Variants in CDH11 observed in about 807,000 individuals in gnomAD.
CDH11 encodes the protein cadherin 11, also known as cadherin-11.
Under a neutral mutation model 67.8 loss-of-function variants are expected in CDH11, and 11 were observed. The observed-to-expected ratio is 0.16, with a 90% CI of 0.10 to 0.27. The LOEUF is 0.27. Ranked by LOEUF, CDH11 falls within the 10% of genes least tolerant of loss-of-function variation. The probability of loss-of-function intolerance (pLI) is 1.00; values close to 1 mark genes in which losing one functional copy is unlikely to be tolerated. For missense variants in CDH11, 847 were observed against 1,031.2 expected (o/e 0.82, Z 2.45); for synonymous variants, 419 against 400.0 (o/e 1.05, Z -0.57).
intron 1 of CDH11, among the ~76,000 whole-genome samples, chr16:65,081,428 G>T (rs2074607803): frequency 6.6e-6 from 1 of 152,146 alleles, no homozygotes; most frequent in Non-Finnish European, 1.5e-5. Context: ...AATTAGCCGG[G>T]CATGGTGGCG....
At position 65,053,801 on chromosome 16, in the gene CDH11, T is replaced by A. The variant is rs1262397725; in HGVS notation, c.-173+3A>T. 2.2e-6 allele frequency: 1 copy of A among 456,046 alleles called. No homozygotes were observed. The highest frequency in any genetic ancestry group is 2.3e-5 in the Admixed American group (1 of 42,578). 28.2% of individuals were successfully genotyped at this position (456,046 alleles called of 1,614,324 possible). ...ATTGTTCAGTAATATTAGTCCAACT[T>A]ACCTTCTTCACCCATTGGATACTTG... On this transcript the variant is annotated splice_donor_region_variant and intron_variant, in intron 2 of 12. Transcript: ENST00000268603.
At chr16:65,097,177 G>T (rs2074913407) in intron 1 of CDH11, among the ~76,000 whole-genome samples, 1 of 152,160 alleles carries the variant, frequency 6.6e-6, no homozygotes, top group Non-Finnish European at 1.5e-5. Context: ...ATATTTGTAA[G>T]TTTTCAAAAT....
chr16:64,943,943 T>C lies in CDH11; in HGVS notation c.*3660A>G, dbSNP rs1596994244. ...CAAAAAGCAAAATAAGTTTAAAGAG[T>C]TGTCATCGATACAAAATAACAAGGG... On this transcript the variant is annotated 3_prime_UTR_variant, in exon 13 of 13. Transcript: ENST00000268603. 4.3e-6 allele frequency: 1 copy of C among 230,502 alleles called. No homozygotes were observed. The highest frequency in any genetic ancestry group is 6.1e-5 in the East Asian group (1 of 16,286). 14.3% of individuals were successfully genotyped at this position (230,502 alleles called of 1,614,324 possible).
chr16:65,089,096 GT>G (rs994099449), intron 1 of CDH11, among the ~76,000 whole-genome samples: 6 of 152,012 alleles, frequency 3.9e-5, no homozygotes, highest in Non-Finnish European at 4.4e-5. Context: ...TCAGCTTCTT[GT>G]TTAGTTGGGG....
At chr16:65,097,736 A>T (rs1567576874) in intron 1 of CDH11, among the ~76,000 whole-genome samples, 1 of 152,216 alleles carries the variant, frequency 6.6e-6, no homozygotes, top group Non-Finnish European at 1.5e-5. Context: ...TCCTATAACA[A>T]AGAACAGAAA....
At chr16:65,057,594 C>G (rs566692424) in intron 1 of CDH11, among the ~76,000 whole-genome samples, 1 of 152,260 alleles carries the variant, frequency 6.6e-6, no homozygotes, top group East Asian at 1.9e-4. Flanking sequence ...TGGCAGCTCC[C>G]TTTTGCTAAG....
At chr16:64,975,027 G>C (rs963624693) in intron 8 of CDH11, among the ~76,000 whole-genome samples, 21 of 152,262 alleles carry the variant, frequency 1.4e-4, no homozygotes, top group Admixed American at 1.3e-3. Context: ...TGTGGCCCCA[G>C]CTTGTCTTGA....
chr16:64,959,279 A>G (rs1387164745), intron 11 of CDH11, among the ~76,000 whole-genome samples: 2 of 152,190 alleles, frequency 1.3e-5, no homozygotes, highest in Non-Finnish European at 2.9e-5. Context: ...GCATTAAGAG[A>G]CTTTTCATTG....
chr16:64,951,001 A>T lies in CDH11; in HGVS notation c.1660T>A (p.Tyr554Asn). 1 of 1,613,848 alleles carries T rather than the reference A, an allele frequency of 6.2e-7. No homozygotes were observed. Among genetic ancestry groups the T allele is most frequent in the Non-Finnish European group, 8.5e-7 (1 of 1,179,952 alleles). Residue 554 changes from tyrosine (Y) to asparagine (N), a missense_variant, in exon 12 of 13, where the codon TAC (tyrosine) becomes AAC (asparagine). By Grantham distance (143) the Tyr-to-Asn change is moderately radical (BLOSUM62 -2). Transcript: ENST00000268603. ...RDNRDNTAGVYARRGGFSRQK... is the reference protein window; with the variant it reads ...RDNRDNTAGVNARRGGFSRQK... ...CGACTGAACCCTCCACGCCGGGCGT[A>T]CACGCCTGCTGTGTTATCTGCAGAA...
intron 11 of CDH11, among the ~76,000 whole-genome samples, chr16:64,964,443 G>A (rs191655552): frequency 2.0e-3 from 303 of 152,306 alleles, no homozygotes; most frequent in Non-Finnish European, 3.6e-3. Context: ...AGGGTACTTA[G>A]CATGAATGGA....
chr16:65,057,968 C>A (rs2074173797), intron 1 of CDH11, among the ~76,000 whole-genome samples: 1 of 152,194 alleles, frequency 6.6e-6, no homozygotes. Flanking sequence ...GCTGCAGTGG[C>A]TCATGCCTGT....
intron 1 of CDH11, among the ~76,000 whole-genome samples, chr16:65,099,360 C>T (rs1324705561): frequency 6.6e-6 from 1 of 152,124 alleles, no homozygotes; most frequent in Non-Finnish European, 1.5e-5. Context: ...GTTGTTTTTC[C>T]TTGTCTCAAG....
rs1269814128 is a variant in CDH11, at chr16:64,947,161, T to A, written c.*442A>T. The A allele has an allele frequency of 2.9e-6, 3 of 1,048,500 alleles. No homozygotes were observed. In the East Asian group the frequency reaches 1.7e-4, roughly 60 times the overall value. 64.9% of individuals were successfully genotyped at this position (1,048,500 alleles called of 1,614,324 possible). On this transcript the variant is annotated 3_prime_UTR_variant, in exon 13 of 13. Coordinates refer to ENST00000268603, the MANE Select transcript of CDH11 (RefSeq NM_001797.4). The stretch of plus-strand genomic sequence containing the variant: ...GGCTGAATATTATATATTTCAAGTT[T>A]AAAAATGCACTACATATAGAGTGTC...
intron 1 of CDH11, among the ~76,000 whole-genome samples, chr16:65,096,359 T>C (rs1337534583): frequency 2.6e-5 from 4 of 151,814 alleles, no homozygotes; most frequent in East Asian, 1.9e-4. Context: ...AACAGACTAC[T>C]ATATGCTAAA....
intron 1 of CDH11, among the ~76,000 whole-genome samples, chr16:65,096,927 G>A (rs889338088): frequency 1.6e-4 from 24 of 151,960 alleles, no homozygotes; most frequent in African/African-American, 2.7e-4. Context: ...ATTTCAATTC[G>A]TTAAATAACT....
At chr16:65,052,071 T>C (rs2074065310) in intron 2 of CDH11, among the ~76,000 whole-genome samples, 1 of 152,214 alleles carries the variant, frequency 6.6e-6, no homozygotes, top group Non-Finnish European at 1.5e-5. Flanking sequence ...ATAGTAAGCA[T>C]GCAAAACCTG....
intron 11 of CDH11, among the ~76,000 whole-genome samples, chr16:64,954,958 A>T (rs1277887753): frequency 1.3e-5 from 2 of 151,714 alleles, no homozygotes; most frequent in Non-Finnish European, 2.9e-5. Context: ...TAAAAAAAAA[A>T]AAAAAAGGCC....
chr16:65,034,246 G>T (rs1184967519), intron 2 of CDH11, among the ~76,000 whole-genome samples: 1 of 152,164 alleles, frequency 6.6e-6, no homozygotes. Context: ...GAAACAGATT[G>T]TCCCTCAGAA....
intron 11 of CDH11, among the ~76,000 whole-genome samples, chr16:64,957,965 T>C (rs1028986863): frequency 6.6e-6 from 1 of 152,208 alleles, no homozygotes; most frequent in African/African-American, 2.4e-5. Flanking sequence ...TTACTACTGA[T>C]CAATGATGAA....
Sources: allele counts gnomAD v4.1 joint callset (sites outside exome capture counted in the v4.1 genomes callset), GRCh38; gene constraint gnomAD v4.1.1; transcripts MANE v1.5; gene names NCBI Gene and HGNC (gene_info 2026-07-23, HGNC 2026-07-21).